Variants in NLRP3 observed in about 807,000 individuals in gnomAD.
The protein encoded by NLRP3 is NACHT, LRR and PYD domains-containing protein 3.
Under a neutral mutation model 91.3 loss-of-function variants are expected in NLRP3, and 48 were observed. The observed-to-expected ratio is 0.53, with a 90% CI of 0.42 to 0.67. The LOEUF (loss-of-function observed/expected upper bound fraction) is 0.67. NLRP3 is among the 30% of genes least tolerant of loss of function. NLRP3 has a pLI of 0.00. For synonymous variants in NLRP3, 561 were observed against 507.9 expected (o/e 1.10, Z -1.41); for missense variants, 982 against 1,276.9 (o/e 0.77, Z 3.52).
At position 247,424,742 on chromosome 1, in the gene NLRP3, C is replaced by T. The variant is rs764901109; in HGVS notation, c.1293C>T (p.Ala431=). Reference sequence around the variant, plus strand: ...AGATGGAGAGTGGCAAGAGCCTTGCCCAGACATCCAAGACCACCACCGCGG... The same window carrying T: ...AGATGGAGAGTGGCAAGAGCCTTGCTCAGACATCCAAGACCACCACCGCGG... The part of the protein sequence containing the change: ...KQQMESGKSL[A]QTSKTTTAVY... The change falls in exon 4 of 10, where the codon GCC becomes GCT. Residue 431 remains alanine, a synonymous_variant. Coordinates refer to ENST00000336119, the MANE Select transcript of NLRP3 (RefSeq NM_001243133.2). The surrounding 1 kb of genome is among the most constrained non-coding windows in gnomAD (Gnocchi z 8.1). 6.2e-7 allele frequency: 1 copy of T among 1,613,770 alleles called. No individual in the cohort carries two copies. Among genetic ancestry groups the T allele is most frequent in the Admixed American group, 1.7e-5 (1 of 60,026 alleles).
At chr1:247,445,811 T>C (rs569340630) in intron 9 of NLRP3, among the ~76,000 whole-genome samples, 3 of 152,104 alleles carry the variant, frequency 2.0e-5, no homozygotes, top group East Asian at 1.9e-4. Flanking sequence ...CTGACCCTTA[T>C]GTGTTGAATC....
chr1:247,422,004 A>G (rs904148683), intron 2 of NLRP3, among the ~76,000 whole-genome samples: 2 of 152,258 alleles, frequency 1.3e-5, no homozygotes, highest in East Asian at 3.9e-4. Context: ...GTCTCTTAAA[A>G]AAAAAGAATA....
Position 247,425,417 on chromosome 1 carries a change from C to T in NLRP3, c.1968C>T (p.Ser656=), listed in dbSNP as rs762359040. The change falls in exon 4 of 10, where the codon TCC becomes TCT. Residue 656 remains serine (S), a synonymous_variant. Coordinates refer to ENST00000336119, the MANE Select transcript of NLRP3 (RefSeq NM_001243133.2). This position sits in a 1 kb window ranked among gnomAD's most constrained non-coding sequence, Gnocchi z 4.1. ...TCCCCAAGATTGAGATCAATCTCTC[C>T]ACCAGAATGGACCACATGGTTTCTT... ...DYFPKIEINL[S]TRMDHMVSSF... 1 of 1,614,212 alleles carries T rather than the reference C, an allele frequency of 6.2e-7. No individual in the cohort carries two copies. Among genetic ancestry groups the T allele is most frequent in the South Asian group, 1.1e-5 (1 of 91,080 alleles).
At chr1:247,441,172 T>G (rs1664210730) in intron 7 of NLRP3, among the ~76,000 whole-genome samples, 1 of 136,994 alleles carries the variant, frequency 7.3e-6, no homozygotes, top group African/African-American at 2.7e-5. Context: ...TCTTTCTTTC[T>G]CTTTCTCCCT....
rs200900704 is a variant in NLRP3 at position 247,424,313 on chromosome 1, C to T, written c.864C>T (p.Ile288=). 7.5e-6 allele frequency: 12 copies of T among 1,598,408 alleles called. No individual in the cohort carries two copies. Among genetic ancestry groups the T allele is most frequent in the South Asian group, 3.3e-5 (3 of 90,866 alleles). ...CPDPNPPIHK[I]VRKPSRILFL... ...ACCCAAACCCACCCATCCACAAGAT[C>T]GTGAGAAAACCCTCCAGAATCCTCT... Residue 288 remains isoleucine (I), a synonymous_variant, in exon 4 of 10, where the codon ATC becomes ATT. Coordinates refer to ENST00000336119, the MANE Select transcript of NLRP3 (RefSeq NM_001243133.2). The surrounding 1 kb of genome is among the most constrained non-coding windows in gnomAD (Gnocchi z 8.1).
chr1:247,434,961 C>T (rs1401711701), intron 6 of NLRP3, among the ~76,000 whole-genome samples: 1 of 152,138 alleles, frequency 6.6e-6, no homozygotes, highest in Non-Finnish European at 1.5e-5. Flanking sequence ...GAGTTCAAAG[C>T]AGGAACTCAG....
chr1:247,419,182 G>C, intron 2 of NLRP3, 105 bp downstream of exon 2: 1 of 736,238 alleles, frequency 1.4e-6, no homozygotes. Context: ...TTGAGACGGA[G>C]TTGCTCTTGT....
At position 247,423,768 on chromosome 1, in the gene NLRP3, C is replaced by T. The variant is rs866266165; in HGVS notation, c.398-79C>T. ...CTCCATTCCGGTTACCACTCGCTTC[C>T]GATGACAGGCCCCAGCTGAGAGCGC... is the stretch of plus-strand genomic sequence containing the variant. On this transcript the variant is annotated intron_variant, in intron 3 of 9. Coordinates refer to ENST00000336119, the MANE Select transcript of NLRP3 (RefSeq NM_001243133.2). The T allele has an allele frequency of 6.6e-5, 87 of 1,314,884 alleles. No homozygotes were observed. In the East Asian group the frequency reaches 1.3e-3, roughly 19 times the overall value. 81.5% of individuals were successfully genotyped at this position (1,314,884 alleles called of 1,614,324 possible).
chr1:247,446,897 A>G (rs991692554), intron 9 of NLRP3, among the ~76,000 whole-genome samples: 5 of 152,220 alleles, frequency 3.3e-5, no homozygotes, highest in Non-Finnish European at 7.3e-5. Context: ...GTGCCAACAT[A>G]ATGGAGCACA....
At chr1:247,437,160 G>A (rs1440189944) in intron 7 of NLRP3, among the ~76,000 whole-genome samples, 1 of 152,078 alleles carries the variant, frequency 6.6e-6, no homozygotes, top group African/African-American at 2.4e-5. Context: ...CTTAAGGGTG[G>A]GACCTCCAAT....
In NLRP3 at chr1:247,419,008, G is replaced by C. The variant is rs117287351; in HGVS notation, c.208G>C (p.Val70Leu). Residue 70 changes from valine (V) to leucine (L), a missense_variant, in exon 2 of 10, where the codon GTG (valine) becomes CTG (leucine). Physicochemically the swap from Val to Leu is conservative, Grantham distance 32. Around this residue, in one of 5 missense-constraint regions of NLRP3, gnomAD observed 548 missense variants for 713.7 expected, o/e 0.77. Coordinates refer to ENST00000336119, the MANE Select transcript of NLRP3 (RefSeq NM_001243133.2). ...NGEEKAWAMA[V>L]WIFAAINRRD... is the part of the protein sequence containing the mutation. ...GGAGGAGAAGGCGTGGGCCATGGCCGTGTGGATCTTCGCTGCGATCAACAG... is the reference window on the plus strand; with the variant it reads ...GGAGGAGAAGGCGTGGGCCATGGCCCTGTGGATCTTCGCTGCGATCAACAG... The C allele has an allele frequency of 3.1e-6, 5 of 1,613,968 alleles. No homozygotes were observed. Among genetic ancestry groups the C allele is most frequent in the Middle Eastern group, 3.3e-4 (2 of 6,062 alleles).
intron 9 of NLRP3, 45 bp downstream of exon 9, chr1:247,444,866 T>C (rs1342103940): frequency 1.3e-6 from 2 of 1,595,584 alleles, no homozygotes; most frequent in Non-Finnish European, 1.7e-6. Context: ...CTCTGAGTTC[T>C]CAGGAAACGT....
chr1:247,421,990 C>T (rs1662490643), intron 2 of NLRP3, among the ~76,000 whole-genome samples: 1 of 152,086 alleles, frequency 6.6e-6, no homozygotes, highest in East Asian at 1.9e-4. Flanking sequence ...CAAAGCAAGA[C>T]TCTGTCTCTT....
At chr1:247,423,185 T>A (rs41303141) in intron 2 of NLRP3, 45 bp from the exon 3 acceptor site, 20 of 1,613,006 alleles carry the variant, frequency 1.2e-5, no homozygotes, top group Non-Finnish European at 1.7e-5. Flanking sequence ...TTGCATCCTC[T>A]GTGATAATAG....
chr1:247,425,719 A>C lies in NLRP3; in HGVS notation c.2150+120A>C. On this transcript the variant is annotated intron_variant, in intron 4 of 9. Coordinates refer to ENST00000336119, the MANE Select transcript of NLRP3 (RefSeq NM_001243133.2). The surrounding 1 kb of genome is among the most constrained non-coding windows in gnomAD (Gnocchi z 4.1). ...AATACTGTTGCCACAGCTACATCAT[A>C]ATGCCACCACTGTCTGTTTGAGACT... 1.1e-6 allele frequency: 1 copy of C among 901,722 alleles called. No homozygotes were observed. Among genetic ancestry groups the C allele is most frequent in the Non-Finnish European group, 1.8e-6 (1 of 565,356 alleles). 55.9% of individuals were successfully genotyped at this position (901,722 alleles called of 1,614,324 possible).
intron 9 of NLRP3, among the ~76,000 whole-genome samples, chr1:247,447,428 T>C (rs1357987123): frequency 6.6e-6 from 1 of 152,164 alleles, no homozygotes; most frequent in African/African-American, 2.4e-5. Context: ...TACCGTACAT[T>C]AGGGGTTCGG....
At position 247,423,304 on chromosome 1, in the gene NLRP3, T is replaced by C; in HGVS notation, c.352T>C (p.Leu118=). 1 of 1,614,096 alleles carries C rather than the reference T, an allele frequency of 6.2e-7. No homozygotes were observed. Among genetic ancestry groups the C allele is most frequent in the South Asian group, 1.1e-5 (1 of 91,080 alleles). The change falls in exon 3 of 10, where the codon TTA becomes CTA. Residue 118 remains leucine (L), a synonymous_variant. Coordinates refer to ENST00000336119, the MANE Select transcript of NLRP3 (RefSeq NM_001243133.2). The stretch of plus-strand genomic sequence containing the variant: ...CAGCATTGAAGAGGAGTGGATGGGT[T>C]TACTGGAGTACCTTTCGAGAATCTC... ...EDSIEEEWMG[L]LEYLSRISIC... is the part of the protein sequence containing the mutation.
chr1:247,432,851 T>C (rs943563996), intron 5 of NLRP3, among the ~76,000 whole-genome samples: 1 of 151,940 alleles, frequency 6.6e-6, no homozygotes. Flanking sequence ...GTGGTAGTGA[T>C]GTGCGTGTGT....
intron 4 of NLRP3, among the ~76,000 whole-genome samples, chr1:247,426,296 G>A (rs924231956): frequency 2.0e-5 from 3 of 152,184 alleles, no homozygotes; most frequent in Non-Finnish European, 2.9e-5. Context: ...CCAAAACCCC[G>A]TTTTCGGGTC....
Sources: allele counts gnomAD v4.1 joint callset (sites outside exome capture counted in the v4.1 genomes callset), GRCh38; gene constraint gnomAD v4.1.1; regional missense constraint gnomAD v4.1.1; non-coding constraint Gnocchi (gnomAD v3.1); transcripts MANE v1.5; gene names NCBI Gene and HGNC (gene_info 2026-07-23, HGNC 2026-07-21).